Variants in LPAR1 observed in about 807,000 individuals in gnomAD.
LPAR1 encodes LPA receptor 1.
Under a neutral mutation model 23.8 loss-of-function variants are expected in LPAR1, and 5 were observed. The ratio of observed to expected loss-of-function variants is 0.21; its 90% CI spans 0.11 to 0.44. The LOEUF (loss-of-function observed/expected upper bound fraction) is 0.44, where lower values mean the gene tolerates loss of function less well. Among genes scored for constraint, LPAR1 ranks in the 20% least tolerant of loss-of-function variants. The pLI, the probability that LPAR1 is intolerant of heterozygous loss-of-function variation, is 0.99. For missense variants in LPAR1, 311 were observed against 482.8 expected (o/e 0.64, Z 3.33); for synonymous variants, 160 against 164.7 (o/e 0.97, Z 0.22).
intron 4 of LPAR1, among the ~76,000 whole-genome samples, chr9:110,954,648 C>T (rs868240145): frequency 8.6e-5 from 13 of 151,882 alleles, no homozygotes; most frequent in Non-Finnish European, 1.3e-4. Flanking sequence ...TTGTACAGGC[C>T]AGGAGAGAAT....
At chr9:111,023,873 G>A in intron 2 of LPAR1, among the ~76,000 whole-genome samples, 1 of 152,190 alleles carries the variant, frequency 6.6e-6, no homozygotes, top group East Asian at 1.9e-4. Context: ...TCATTCAAAT[G>A]TATGGACAAA....
chr9:110,889,964 C>G (rs986901980), intron 5 of LPAR1, among the ~76,000 whole-genome samples: 3 of 150,704 alleles, frequency 2.0e-5, no homozygotes, highest in African/African-American at 7.3e-5. Flanking sequence ...TCCCCAAAAG[C>G]AAAAAAGAAA....
chr9:111,000,600 T>C (rs1051953350), intron 2 of LPAR1, among the ~76,000 whole-genome samples: 2 of 152,186 alleles, frequency 1.3e-5, no homozygotes, highest in African/African-American at 4.8e-5. Flanking sequence ...GTGTGAGCTG[T>C]GCTAGCCCAA....
At chr9:110,916,070 T>C (rs566343750) in intron 5 of LPAR1, among the ~76,000 whole-genome samples, 1 of 152,338 alleles carries the variant, frequency 6.6e-6, no homozygotes, top group African/African-American at 2.4e-5. Flanking sequence ...ATATCAATTA[T>C]ATAATACTAC....
chr9:110,957,213 A>T (rs1045146765), intron 4 of LPAR1, among the ~76,000 whole-genome samples: 7 of 151,502 alleles, frequency 4.6e-5, no homozygotes, highest in Non-Finnish European at 1.0e-4. Flanking sequence ...ACAAAAAAAA[A>T]AGGCATAGTA....
At chr9:111,014,988 G>A (rs1032763909) in intron 2 of LPAR1, among the ~76,000 whole-genome samples, 4 of 151,992 alleles carry the variant, frequency 2.6e-5, no homozygotes, top group Admixed American at 6.6e-5. Flanking sequence ...TCATTAGAGT[G>A]GGCCCTAATC....
chr9:110,980,041 T>G (rs978167668), intron 2 of LPAR1, among the ~76,000 whole-genome samples: 1 of 152,018 alleles, frequency 6.6e-6, no homozygotes, highest in Non-Finnish European at 1.5e-5. Flanking sequence ...TTCATAGAAT[T>G]CTACATGGCT....
In LPAR1 at chr9:110,875,371, C is replaced by T; in HGVS notation, c.*50G>A. 6.7e-7 allele frequency: 1 copy of T among 1,495,882 alleles called. No homozygotes were observed. Among genetic ancestry groups the T allele is most frequent in the Non-Finnish European group, 9.0e-7 (1 of 1,106,638 alleles). The allele number at this position is 1,495,882 out of a possible 1,614,324, so 92.7% of individuals were successfully genotyped here. A position where few individuals can be genotyped will look rare whatever the true frequency, so the allele number is the denominator to read the frequency against. ...GCCCTGGCAATTGGGTAGGGGGAGG[C>T]TGTTTATCCTCCAAGAGAGGACGGC... On this transcript the variant is annotated 3_prime_UTR_variant, in exon 6 of 6. Transcript: ENST00000683809.
At chr9:111,003,549 A>G (rs2097166212) in intron 2 of LPAR1, among the ~76,000 whole-genome samples, 1 of 152,226 alleles carries the variant, frequency 6.6e-6, no homozygotes, top group Non-Finnish European at 1.5e-5. Context: ...GATGCCCTAA[A>G]GAGTTTTCTT....
intron 4 of LPAR1, among the ~76,000 whole-genome samples, chr9:110,953,333 C>G (rs1029567645): frequency 1.6e-4 from 24 of 152,264 alleles, no homozygotes; most frequent in African/African-American, 5.5e-4. Context: ...TTGCCACAGC[C>G]TCCACAACCA....
At chr9:110,976,859 C>T (rs964675360) in intron 2 of LPAR1, among the ~76,000 whole-genome samples, 3 of 152,146 alleles carry the variant, frequency 2.0e-5, no homozygotes, top group Non-Finnish European at 2.9e-5. Flanking sequence ...CATTCCTTTA[C>T]AATCACTGGG....
chr9:110,993,399 T>C (rs2096934799), intron 2 of LPAR1, among the ~76,000 whole-genome samples: 1 of 152,204 alleles, frequency 6.6e-6, no homozygotes. Flanking sequence ...TCCTGGCTTT[T>C]ATACCCTTGA....
At chr9:110,896,079 G>C (rs1391768387) in intron 5 of LPAR1, among the ~76,000 whole-genome samples, 1 of 152,178 alleles carries the variant, frequency 6.6e-6, no homozygotes, top group Non-Finnish European at 1.5e-5. Context: ...AACCAGTAAA[G>C]TGCTCGCTTC....
chr9:110,971,543 A>C (rs1306599390), intron 4 of LPAR1, among the ~76,000 whole-genome samples: 1 of 152,090 alleles, frequency 6.6e-6, no homozygotes, highest in African/African-American at 2.4e-5. Context: ...ACTGCTCTTC[A>C]CTGGACAGAA....
chr9:110,918,922 C>A (rs2093410121), intron 5 of LPAR1, among the ~76,000 whole-genome samples: 2 of 151,692 alleles, frequency 1.3e-5, no homozygotes, highest in African/African-American at 4.8e-5. Flanking sequence ...AATGGTACAT[C>A]TATGGTGGAC....
chr9:110,996,575 G>A (rs1292188755), intron 2 of LPAR1, among the ~76,000 whole-genome samples: 2 of 152,156 alleles, frequency 1.3e-5, no homozygotes, highest in African/African-American at 4.8e-5. Flanking sequence ...CCTGGGGCTT[G>A]AGAAGGAAGC....
At chr9:110,946,520 G>A (rs1242190878) in intron 4 of LPAR1, among the ~76,000 whole-genome samples, 1 of 152,066 alleles carries the variant, frequency 6.6e-6, no homozygotes, top group East Asian at 1.9e-4. Flanking sequence ...AATTTTTTGA[G>A]ATACATAGCC....
At chr9:110,953,453 C>T (rs988010991) in intron 4 of LPAR1, among the ~76,000 whole-genome samples, 1 of 152,144 alleles carries the variant, frequency 6.6e-6, no homozygotes, top group Non-Finnish European at 1.5e-5. Flanking sequence ...CACCTGAGGT[C>T]GGAAGTTCAA....
At position 110,964,494 on chromosome 9, in the gene LPAR1, T is replaced by A. The variant is rs574300901; in HGVS notation, c.45+7579A>T. ...AAGGGGATTTTTTAAAAGATGACAA[T>A]GCTAGGGATCCTAAAATACTTCATC... On this transcript the variant is annotated intron_variant, in intron 4 of 5. Transcript: ENST00000683809. Among the ~76,000 whole-genome samples the A allele has an allele frequency of 1.2e-4, 18 of 152,282 alleles. No homozygotes were observed. The East Asian group carries it at 3.5e-3, about 29-fold the overall frequency.
Sources: allele counts gnomAD v4.1 joint callset (sites outside exome capture counted in the v4.1 genomes callset), GRCh38; gene constraint gnomAD v4.1.1; transcripts MANE v1.5; gene names NCBI Gene and HGNC (gene_info 2026-07-23, HGNC 2026-07-21).